Variants in IQCH observed in about 807,000 individuals in gnomAD.
IQCH encodes IQ domain-containing protein H.
Under a neutral mutation model 117.0 loss-of-function variants are expected in IQCH, and 98 were observed. The observed-to-expected ratio is 0.84, with a 90% CI of 0.71 to 0.99. The LOEUF is 0.99. IQCH is among the 50% of genes least tolerant of loss of function. The pLI is 0.00. For synonymous variants in IQCH, 412 were observed against 448.2 expected, an observed-to-expected ratio of 0.92 and a Z score of 1.02; for missense variants, 1,102 against 1,243.8, an observed-to-expected ratio of 0.89 and a Z score of 1.72.
chr15:67,354,060 G>T (rs762547820), intron 6 of IQCH, among the ~76,000 whole-genome samples: 1 of 152,042 alleles, frequency 6.6e-6, no homozygotes, highest in Non-Finnish European at 1.5e-5. Context: ...TAACAGGTCA[G>T]TTAATTCTTT....
rs961107951 is a variant in IQCH at position 67,463,665 on chromosome 15, T to C, written c.2506-1462T>C. 1.3e-5 allele frequency among the ~76,000 whole-genome samples: 2 copies of C among 152,206 alleles called. No individual in the cohort carries two copies. The highest frequency in any genetic ancestry group is 2.4e-5 in the African/African-American group (1 of 41,452). On this transcript the variant is annotated intron_variant, in intron 16 of 20. Coordinates refer to ENST00000335894, the MANE Select transcript of IQCH (RefSeq NM_001031715.3). The surrounding 1 kb of genome is among the most constrained non-coding windows in gnomAD (Gnocchi z 4.0). Reference sequence around the variant, plus strand: ...TTGATACATGGGACCAGTTGTGTTTTTGTTGCTTGTTTAAAGCTCAAAGGT... The same window carrying C: ...TTGATACATGGGACCAGTTGTGTTTCTGTTGCTTGTTTAAAGCTCAAAGGT...
intron 4 of IQCH, chr15:67,281,561 G>A (rs1966357482): frequency 2.7e-6 from 1 of 375,490 alleles, no homozygotes; most frequent in African/African-American, 2.1e-5. Flanking sequence ...GCCTCCTTCA[G>A]AGAGAATAGA....
chr15:67,372,855 C>T (rs1970597714), intron 9 of IQCH, among the ~76,000 whole-genome samples, 193 bp downstream of exon 9: 1 of 151,924 alleles, frequency 6.6e-6, no homozygotes, highest in African/African-American at 2.4e-5. Context: ...TAGTTTAGCC[C>T]TAATCAAGAA....
intron 10 of IQCH, among the ~76,000 whole-genome samples, chr15:67,378,270 C>A (rs2140809795): frequency 6.6e-6 from 1 of 152,028 alleles, no homozygotes; most frequent in Admixed American, 6.6e-5. Context: ...CTACTATGAG[C>A]TGGAGTCACC....
chr15:67,347,995 T>C lies in IQCH; in HGVS notation c.637+3804T>C, dbSNP rs192864267. ...TGTTTCAACATTTAAATATCAATCA[T>C]TGTAAGTCACCATATGAATAGACTG... On this transcript the variant is annotated intron_variant, in intron 6 of 20. Transcript: ENST00000335894. Among the ~76,000 whole-genome samples, 103 of 151,320 alleles carry C rather than the reference T, an allele frequency of 6.8e-4. 4 individuals carry two copies. The East Asian group carries it at 0.012, about 18-fold the overall frequency.
intron 4 of IQCH, among the ~76,000 whole-genome samples, chr15:67,296,952 C>G (rs915970521): frequency 3.9e-5 from 6 of 152,158 alleles, no homozygotes; most frequent in Non-Finnish European, 7.4e-5. Flanking sequence ...TAGCTCTCTC[C>G]CCTAACCCTT....
At chr15:67,277,340 G>GT (rs1039038487) in intron 3 of IQCH, among the ~76,000 whole-genome samples, 3 of 151,578 alleles carry the variant, frequency 2.0e-5, no homozygotes, top group Non-Finnish European at 4.4e-5. Context: ...TCTTCAGACT[G>GT]TTTTTTTTCT....
At chr15:67,255,095 C>A in intron 1 of IQCH, 148 bp downstream of exon 1, 1 of 741,448 alleles carries the variant, frequency 1.3e-6, no homozygotes, top group Non-Finnish European at 2.4e-6. Context: ...AAATGCCCAC[C>A]CAGACCTTCC....
intron 18 of IQCH, among the ~76,000 whole-genome samples, chr15:67,488,598 A>G (rs1020638821): frequency 3.3e-5 from 5 of 152,188 alleles, no homozygotes; most frequent in African/African-American, 1.2e-4. Flanking sequence ...ATAGACCAGC[A>G]ATCCCCAACC....
intron 1 of IQCH, among the ~76,000 whole-genome samples, chr15:67,256,018 G>A (rs939427795): frequency 6.6e-6 from 1 of 152,092 alleles, no homozygotes; most frequent in African/African-American, 2.4e-5. Context: ...GGGGTCCCCA[G>A]AACCACCTCA....
At chr15:67,278,350 G>A (rs945076719) in intron 3 of IQCH, among the ~76,000 whole-genome samples, 1 of 152,122 alleles carries the variant, frequency 6.6e-6, no homozygotes, top group Non-Finnish European at 1.5e-5. Flanking sequence ...AAAAGTGTGG[G>A]ACCCTCTAAG....
intron 18 of IQCH, among the ~76,000 whole-genome samples, chr15:67,488,927 A>G (rs1224627099): frequency 6.6e-6 from 1 of 152,160 alleles, no homozygotes; most frequent in Non-Finnish European, 1.5e-5. Context: ...CAGATCTGGT[A>G]CCAGTCCACA....
intron 17 of IQCH, among the ~76,000 whole-genome samples, chr15:67,471,037 G>GT (rs1360227277): frequency 6.6e-6 from 1 of 152,002 alleles, no homozygotes; most frequent in Non-Finnish European, 1.5e-5. Flanking sequence ...CACCTGAGCA[G>GT]TATCATTTCT....
At chr15:67,266,893 G>A (rs1474150119) in intron 3 of IQCH, among the ~76,000 whole-genome samples, 1 of 152,136 alleles carries the variant, frequency 6.6e-6, no homozygotes, top group Non-Finnish European at 1.5e-5. Context: ...CTTGTTCATG[G>A]ATGCTTATTA....
intron 5 of IQCH, among the ~76,000 whole-genome samples, chr15:67,340,437 A>AC (rs1969104799): frequency 4.6e-5 from 6 of 129,248 alleles, no homozygotes; most frequent in Non-Finnish European, 8.4e-5. Context: ...AAAAAAAAAA[A>AC]AAAAAAAAAA....
At chr15:67,311,056 T>C (rs577534833) in intron 4 of IQCH, among the ~76,000 whole-genome samples, 1 of 152,174 alleles carries the variant, frequency 6.6e-6, no homozygotes, top group African/African-American at 2.4e-5. Flanking sequence ...GTAGGTGCCA[T>C]TTTTATAATC....
rs771870833 is a variant in IQCH, at chr15:67,372,238, C to T, written c.881C>T (p.Ala294Val). ...GCATTCAAGGAACATTTTAGCTTAG[C>T]TTGGGGAGGTATTTTTTCTCTCTTG... is the stretch of plus-strand genomic sequence containing the variant. ...FLAFKEHFSLAWGGIFSLLEH... is the reference protein window; with the variant it reads ...FLAFKEHFSLVWGGIFSLLEH... Residue 294 changes from alanine to valine, a missense_variant, in exon 9 of 21, where the codon GCT becomes GTT. Physicochemically the swap from Ala to Val is moderately conservative, Grantham distance 64. Transcript: ENST00000335894. 1 of 1,614,008 alleles carries T rather than the reference C, an allele frequency of 6.2e-7. No individual in the cohort carries two copies. The highest frequency in any genetic ancestry group is 8.5e-7 in the Non-Finnish European group (1 of 1,179,980).
chr15:67,469,465 C>T (rs996436584), intron 17 of IQCH, among the ~76,000 whole-genome samples: 5 of 152,150 alleles, frequency 3.3e-5, no homozygotes, highest in South Asian at 2.1e-4. Context: ...CTACAGCCTT[C>T]GCTTAAAAGG....
chr15:67,489,519 G>GGGTGAGGTCAGGAGTTCAAGACCTT (rs11276406), intron 18 of IQCH, among the ~76,000 whole-genome samples: 3 of 151,082 alleles, frequency 2.0e-5, no homozygotes, highest in Non-Finnish European at 4.4e-5. Flanking sequence ...CTGGCCTCCT[G>GGGTGAGGTCAGGAGTTCAAGACCTT]GGCTCACTGC....
Sources: allele counts gnomAD v4.1 joint callset (sites outside exome capture counted in the v4.1 genomes callset), GRCh38; gene constraint gnomAD v4.1.1; non-coding constraint Gnocchi (gnomAD v3.1); transcripts MANE v1.5; gene names NCBI Gene and HGNC (gene_info 2026-07-23, HGNC 2026-07-21).